Variants in PHACTR1 observed in about 807,000 individuals in gnomAD.
PHACTR1 encodes the protein RPEL repeat containing 1.
PHACTR1 carries 16 observed loss-of-function variants against 69.2 expected under a neutral mutation model. The ratio of observed to expected loss-of-function variants is 0.23; its 90% CI spans 0.16 to 0.35. The LOEUF is 0.35. PHACTR1 is among the 10% of genes least tolerant of loss of function. PHACTR1 has a pLI of 1.00. For synonymous variants in PHACTR1, 312 were observed against 284.5 expected, an observed-to-expected ratio of 1.10 and a Z score of -0.97; for missense variants, 510 against 734.7, an observed-to-expected ratio of 0.69 and a Z score of 3.54.
intron 3 of PHACTR1, among the ~76,000 whole-genome samples, chr6:12,727,744 G>C (rs1350344266): frequency 6.6e-6 from 1 of 152,052 alleles, no homozygotes; most frequent in Non-Finnish European, 1.5e-5. Flanking sequence ...AAAAATGTTG[G>C]TACCACCCTT....
intron 4 of PHACTR1, among the ~76,000 whole-genome samples, chr6:12,929,023 T>C (rs1788589010): frequency 6.6e-6 from 1 of 152,206 alleles, no homozygotes; most frequent in South Asian, 2.1e-4. Flanking sequence ...GTTTGAGAAA[T>C]ACTGCTTTAG....
At chr6:13,044,401 G>A (rs963785760) in intron 4 of PHACTR1, among the ~76,000 whole-genome samples, 2 of 152,202 alleles carry the variant, frequency 1.3e-5, no homozygotes, top group Non-Finnish European at 2.9e-5. Context: ...TGCAATCCCA[G>A]TTGAAAGAGC....
At chr6:13,074,369 T>C (rs939622925) in intron 5 of PHACTR1, among the ~76,000 whole-genome samples, 6 of 152,188 alleles carry the variant, frequency 3.9e-5, no homozygotes, top group South Asian at 2.1e-4. Flanking sequence ...CGACACTCTG[T>C]CAGCTGGTGT....
chr6:13,151,186 C>T (rs1461705853), intron 5 of PHACTR1, among the ~76,000 whole-genome samples: 1 of 152,172 alleles, frequency 6.6e-6, no homozygotes, highest in African/African-American at 2.4e-5. Flanking sequence ...ATTGCTTTTC[C>T]CCCTTCAACT....
intron 5 of PHACTR1, among the ~76,000 whole-genome samples, chr6:13,105,986 A>C (rs1410870067): frequency 6.6e-6 from 1 of 152,192 alleles, no homozygotes; most frequent in Non-Finnish European, 1.5e-5. Context: ...GTTAAGCTAT[A>C]GGGTGTGAGT....
intron 4 of PHACTR1, among the ~76,000 whole-genome samples, chr6:12,818,407 A>G (rs960221172): frequency 3.3e-5 from 5 of 152,182 alleles, no homozygotes; most frequent in African/African-American, 7.2e-5. Context: ...AGACTTGTTC[A>G]TATGATGGCA....
intron 8 of PHACTR1, among the ~76,000 whole-genome samples, chr6:13,212,709 C>T (rs988603957): frequency 2.0e-5 from 3 of 151,176 alleles, no homozygotes; most frequent in African/African-American, 4.9e-5. Context: ...CCACCATTCT[C>T]GCACATTCTC....
At chr6:12,862,891 A>G (rs1337237765) in intron 4 of PHACTR1, among the ~76,000 whole-genome samples, 1 of 152,212 alleles carries the variant, frequency 6.6e-6, no homozygotes, top group Non-Finnish European at 1.5e-5. Context: ...TCTGCAATTG[A>G]AGCAACTGTG....
chr6:13,225,159 T>A (rs1473642981), intron 8 of PHACTR1, among the ~76,000 whole-genome samples: 1 of 152,244 alleles, frequency 6.6e-6, no homozygotes, highest in East Asian at 1.9e-4. Context: ...GGGGCATTTG[T>A]CTTCTTCTCA....
intron 4 of PHACTR1, among the ~76,000 whole-genome samples, chr6:12,757,344 G>A (rs1767450594): frequency 6.6e-6 from 1 of 152,106 alleles, no homozygotes; most frequent in South Asian, 2.1e-4. Context: ...ACGAAGAGGG[G>A]GATTGAGAAG....
intron 4 of PHACTR1, among the ~76,000 whole-genome samples, chr6:12,779,866 A>T (rs1421771502): frequency 6.6e-6 from 1 of 152,216 alleles, no homozygotes; most frequent in Non-Finnish European, 1.5e-5. Flanking sequence ...TTCCGTATAG[A>T]TAGAGCATCT....
At chr6:13,018,515 G>A (rs924016647) in intron 4 of PHACTR1, among the ~76,000 whole-genome samples, 2 of 152,128 alleles carry the variant, frequency 1.3e-5, no homozygotes, top group Non-Finnish European at 2.9e-5. Flanking sequence ...GATTGCTAGC[G>A]TTTGTATTGT....
chr6:13,139,731 C>G (rs1227561482), intron 5 of PHACTR1, among the ~76,000 whole-genome samples: 1 of 152,100 alleles, frequency 6.6e-6, no homozygotes, highest in Non-Finnish European at 1.5e-5. Flanking sequence ...ATAATTTCAG[C>G]AAAGCTACTG....
chr6:13,286,288 G>A, intron 14 of PHACTR1, 66 bp downstream of exon 14: 1 of 1,330,306 alleles, frequency 7.5e-7, no homozygotes, highest in Non-Finnish European at 1.0e-6. Context: ...TCCAAATAAA[G>A]CTCTCCCACT....
intron 5 of PHACTR1, among the ~76,000 whole-genome samples, chr6:13,133,051 C>A (rs2127972226): frequency 6.6e-6 from 1 of 152,288 alleles, no homozygotes; most frequent in East Asian, 1.9e-4. Flanking sequence ...TATTCTCAAT[C>A]CTTTTTGGTC....
chr6:12,727,078 C>T (rs567527165), intron 3 of PHACTR1, among the ~76,000 whole-genome samples: 1 of 152,120 alleles, frequency 6.6e-6, no homozygotes, highest in Non-Finnish European at 1.5e-5. Context: ...TCACCCTAGT[C>T]AGGAAGCAGT....
chr6:12,797,041 G>GAA, intron 4 of PHACTR1, among the ~76,000 whole-genome samples: 2 of 28,232 alleles, frequency 7.1e-5, no homozygotes, highest in South Asian at 5.4e-3. Flanking sequence ...GTGTGTGTGT[G>GAA]AGAGAGAGAG....
rs748259759 is a variant in PHACTR1 at position 13,287,113 on chromosome 6, A to C, written c.*35A>C. On this transcript the variant is annotated 3_prime_UTR_variant, in exon 15 of 15. Coordinates refer to ENST00000332995, the MANE Select transcript of PHACTR1 (RefSeq NM_030948.6). ...TCCTCTTGAGTGCTATGCTGTCTTCAAAACATAAATTTATAAGAACCATAA... is the reference window on the plus strand; with the variant it reads ...TCCTCTTGAGTGCTATGCTGTCTTCCAAACATAAATTTATAAGAACCATAA... 2 of 1,580,574 alleles carry C rather than the reference A, an allele frequency of 1.3e-6. No individual in the cohort carries two copies. The highest frequency in any genetic ancestry group is 1.1e-5 in the South Asian group (1 of 87,414).
chr6:12,903,965 G>A (rs143274416), intron 4 of PHACTR1, among the ~76,000 whole-genome samples: 1 of 152,002 alleles, frequency 6.6e-6, no homozygotes, highest in East Asian at 1.9e-4. Flanking sequence ...AACTTTTAAA[G>A]TCAATTCCTG....
Sources: gnomAD v4.1 joint callset for allele counts (sites outside exome capture counted in the v4.1 genomes callset) on GRCh38, gnomAD v4.1.1 for gene constraint, MANE v1.5 for transcripts, NCBI Gene and HGNC (gene_info 2026-07-23, HGNC 2026-07-21) for gene names.